Variants in KCND3 observed in about 807,000 individuals in gnomAD.
KCND3 encodes potassium voltage-gated channel subfamily D member 3, also known as A-type voltage-gated potassium channel KCND3.
In KCND3, 9 loss-of-function variants were observed where a neutral mutation model predicts 51.1. The observed-to-expected ratio is 0.18, with a 90% CI of 0.11 to 0.31. KCND3 has a LOEUF of 0.31. KCND3 is among the 10% of genes least tolerant of loss of function. KCND3 has a pLI of 1.00. For synonymous variants in KCND3, 349 were observed against 368.0 expected, an observed-to-expected ratio of 0.95 and a Z score of 0.59; for missense variants, 526 against 903.8, an observed-to-expected ratio of 0.58 and a Z score of 5.36.
intron 2 of KCND3, among the ~76,000 whole-genome samples, chr1:111,891,327 T>C (rs1373768845): frequency 6.6e-6 from 1 of 152,084 alleles, no homozygotes; most frequent in East Asian, 1.9e-4. Flanking sequence ...AAAAAAATGG[T>C]GAGAGTCTGT....
At chr1:111,856,466 C>T (rs1668077365) in intron 2 of KCND3, among the ~76,000 whole-genome samples, 1 of 152,208 alleles carries the variant, frequency 6.6e-6, no homozygotes, top group African/African-American at 2.4e-5. Context: ...ATAAGCACAA[C>T]CTGAATCTAG....
At chr1:111,815,191 C>T (rs560213502) in intron 2 of KCND3, among the ~76,000 whole-genome samples, 2 of 152,254 alleles carry the variant, frequency 1.3e-5, no homozygotes, top group East Asian at 1.9e-4. Context: ...GTCCTGACTT[C>T]TGTGTGCCAT....
chr1:111,899,040 G>A (rs1670259573), intron 2 of KCND3, among the ~76,000 whole-genome samples: 1 of 152,156 alleles, frequency 6.6e-6, no homozygotes, highest in African/African-American at 2.4e-5. Context: ...GCTGTGGCAG[G>A]AGTACTCTCT....
intron 2 of KCND3, among the ~76,000 whole-genome samples, chr1:111,789,028 G>A (rs188736656): frequency 6.6e-6 from 1 of 152,208 alleles, no homozygotes; most frequent in Admixed American, 6.5e-5. Context: ...GGCTGCCTCT[G>A]AGATATATCA....
Position 111,890,834 on chromosome 1 carries a change from A to C in KCND3, c.1106+90787T>G, listed in dbSNP as rs944185016. Among the ~76,000 whole-genome samples the C allele has an allele frequency of 2.0e-5, 3 of 152,182 alleles. No homozygotes were observed. The East Asian group carries it at 5.8e-4, about 29-fold the overall frequency. ...AGTGTGGTTTTATGGAGAAGAGAAT[A>C]ACCAACTGGCTCAACCATCTCTTAC... On this transcript the variant is annotated intron_variant, in intron 2 of 7. Coordinates refer to ENST00000302127, the MANE Select transcript of KCND3 (RefSeq NM_001378969.1).
intron 2 of KCND3, among the ~76,000 whole-genome samples, chr1:111,872,746 T>TGA (rs948486622): frequency 4.6e-5 from 7 of 152,110 alleles, no homozygotes; most frequent in Non-Finnish European, 8.8e-5. Flanking sequence ...AAAGAGGCCG[T>TGA]GAGAGAGAAA....
chr1:111,808,741 G>A (rs889457198), intron 2 of KCND3, among the ~76,000 whole-genome samples: 5 of 152,334 alleles, frequency 3.3e-5, no homozygotes, highest in Admixed American at 2.6e-4. Context: ...AGTGGCTAGA[G>A]ATGGACATCA....
chr1:111,873,009 T>C (rs1460529671), intron 2 of KCND3, among the ~76,000 whole-genome samples: 2 of 152,214 alleles, frequency 1.3e-5, no homozygotes, highest in African/African-American at 4.8e-5. Context: ...TTGCCTCTGA[T>C]CCTTTGACTT....
intron 1 of KCND3, among the ~76,000 whole-genome samples, chr1:111,984,251 CTT>C (rs1675136590): frequency 6.6e-6 from 1 of 152,212 alleles, no homozygotes; most frequent in Admixed American, 6.5e-5. Flanking sequence ...ACTCCCAACT[CTT>C]TGAGTTTTTT....
At chr1:111,871,522 A>C (rs1253551435) in intron 2 of KCND3, among the ~76,000 whole-genome samples, 2 of 152,220 alleles carry the variant, frequency 1.3e-5, no homozygotes, top group Admixed American at 1.3e-4. Context: ...GAACAAAGTT[A>C]AAGGGGTAAA....
chr1:111,862,455 T>C (rs1668376785), intron 2 of KCND3, among the ~76,000 whole-genome samples: 1 of 152,242 alleles, frequency 6.6e-6, no homozygotes. Context: ...CTGTAAACTA[T>C]GCAATGGGGC....
At chr1:111,776,691 T>A (rs532913806) in intron 7 of KCND3, among the ~76,000 whole-genome samples, 1 of 152,286 alleles carries the variant, frequency 6.6e-6, no homozygotes, top group Non-Finnish European at 1.5e-5. Context: ...GAAAACTGTT[T>A]CTTGAGAAAA....
intron 2 of KCND3, among the ~76,000 whole-genome samples, chr1:111,867,498 C>T (rs1571766534): frequency 6.6e-6 from 1 of 152,286 alleles, no homozygotes; most frequent in East Asian, 1.9e-4. Flanking sequence ...GGAAGGGAAA[C>T]CCGCCTTAGG....
intron 2 of KCND3, among the ~76,000 whole-genome samples, chr1:111,812,796 G>A (rs1043971764): frequency 6.6e-6 from 1 of 152,148 alleles, no homozygotes; most frequent in Non-Finnish European, 1.5e-5. Context: ...ACAGGGAGCC[G>A]GGCACAGGCT....
intron 2 of KCND3, among the ~76,000 whole-genome samples, chr1:111,915,752 C>CAAAAAAAAAAA (rs35574221): frequency 1.5e-5 from 1 of 67,322 alleles, no homozygotes; most frequent in Non-Finnish European, 2.8e-5. Context: ...GACTCTGTCT[C>CAAAAAAAAAAA]AAAAAAAAAA....
chr1:111,916,750 G>A (rs150098293), intron 2 of KCND3, among the ~76,000 whole-genome samples: 26 of 152,182 alleles, frequency 1.7e-4, no homozygotes, highest in Middle Eastern at 3.4e-3. Flanking sequence ...GATAATAAGA[G>A]AATATTATAA....
intron 3 of KCND3, among the ~76,000 whole-genome samples, chr1:111,783,100 A>G (rs1158779235): frequency 2.0e-5 from 3 of 151,698 alleles, no homozygotes; most frequent in African/African-American, 4.8e-5. Context: ...AATGGGCTCA[A>G]TCCTTGAGTG....
Position 111,838,155 on chromosome 1 carries a change from C to T in KCND3, c.1107-51049G>A, listed in dbSNP as rs569166216. ...AGGAAGTCACTACCTGCAGCCCACA[C>T]TACGGAGTAGGGAGTGGTACTCCAG... is the stretch of plus-strand genomic sequence containing the variant. On this transcript the variant is annotated intron_variant, in intron 2 of 7. Transcript: ENST00000302127. 8.5e-5 allele frequency among the ~76,000 whole-genome samples: 13 copies of T among 152,350 alleles called. No individual in the cohort carries two copies. In the South Asian group the frequency reaches 1.2e-3, roughly 15 times the overall value.
chr1:111,935,336 C>T (rs150242008), intron 2 of KCND3, among the ~76,000 whole-genome samples: 2,209 of 152,284 alleles, frequency 0.015, 47 homozygotes, highest in Admixed American at 0.059. Flanking sequence ...GATTTTAGAG[C>T]CCACTCTCTT....
Sources: gnomAD v4.1 joint callset for allele counts (sites outside exome capture counted in the v4.1 genomes callset) on GRCh38, gnomAD v4.1.1 for gene constraint, MANE v1.5 for transcripts, NCBI Gene and HGNC (gene_info 2026-07-23, HGNC 2026-07-21) for gene names.